The following CPEB1 variants were observed in gnomAD, a reference collection of about 807,000 sequenced individuals.
CPEB1 encodes cytoplasmic polyadenylation element-binding protein 1.
In CPEB1, 7 loss-of-function variants were observed where a neutral mutation model predicts 65.8. The ratio of observed to expected loss-of-function variants is 0.11; its 90% confidence interval spans 0.06 to 0.20. The LOEUF is 0.20. Among genes scored for constraint, CPEB1 ranks in the 10% least tolerant of loss-of-function variants. CPEB1 has a pLI of 1.00. For missense variants in CPEB1, 551 were observed against 712.2 expected (o/e 0.77, Z 2.58); for synonymous variants, 262 against 260.0 (o/e 1.01, Z -0.08).
At chr15:82,565,294 GAAAGCAGC>G (rs760419987) in intron 4 of CPEB1, among the ~76,000 whole-genome samples, 17 of 152,170 alleles carry the variant, frequency 1.1e-4, no homozygotes, top group Non-Finnish European at 1.8e-4. Flanking sequence ...ACAATGGAAA[GAAAGCAGC>G]AAAGCAGCAA....
At chr15:82,632,952 A>G (rs141582866) in intron 1 of CPEB1, among the ~76,000 whole-genome samples, 2,706 of 152,324 alleles carry the variant, frequency 0.018, 29 homozygotes, top group Non-Finnish European at 0.026. Context: ...CTGAACTTTC[A>G]TCAATGTATA....
At chr15:82,612,519 A>C (rs916900096) in intron 3 of CPEB1, among the ~76,000 whole-genome samples, 2 of 151,508 alleles carry the variant, frequency 1.3e-5, no homozygotes, top group South Asian at 2.1e-4. Context: ...CAAAAAAAAA[A>C]ACACAGAAAT....
intron 1 of CPEB1, among the ~76,000 whole-genome samples, chr15:82,632,206 T>A (rs1216069976): frequency 6.6e-6 from 1 of 151,920 alleles, no homozygotes; most frequent in Non-Finnish European, 1.5e-5. Context: ...ATGGTCTTGA[T>A]CTCCTGACCT....
chr15:82,553,797 T>A (rs906841641), intron 7 of CPEB1, 81 bp downstream of exon 7: 1 of 1,021,524 alleles, frequency 9.8e-7, no homozygotes, highest in Non-Finnish European at 1.5e-6. Flanking sequence ...ATTCAGCCCC[T>A]GGCCTCAATT....
intron 3 of CPEB1, among the ~76,000 whole-genome samples, chr15:82,623,246 G>A (rs1190730048): frequency 6.6e-6 from 1 of 152,174 alleles, no homozygotes; most frequent in Admixed American, 6.5e-5. Flanking sequence ...CCCTATCACA[G>A]CACTTTTCCA....
At chr15:82,637,286 T>C (rs1052224944) in intron 1 of CPEB1, among the ~76,000 whole-genome samples, 10 of 152,198 alleles carry the variant, frequency 6.6e-5, no homozygotes, top group African/African-American at 2.4e-4. Context: ...CCTCACCAAT[T>C]TGACACAGCT....
In CPEB1 at chr15:82,543,840, G is replaced by A. The variant is rs1342494372; in HGVS notation, c.*752C>T. The A allele has an allele frequency of 2.6e-5, 4 of 151,878 alleles. No individual in the cohort carries two copies. The highest frequency in any genetic ancestry group is 5.9e-5 in the Non-Finnish European group (4 of 67,978). 9.4% of individuals were successfully genotyped at this position (151,878 alleles called of 1,614,324 possible). A position where few individuals can be genotyped will look rare whatever the true frequency, so the allele number is the denominator to read the frequency against. ...ACAAAAAATTTTTTTTTTCTTGGTT[G>A]CAAATGCCTTGATTTGCAACTGTGA... On this transcript the variant is annotated 3_prime_UTR_variant, in exon 13 of 13. Coordinates refer to ENST00000684509, the MANE Select transcript of CPEB1 (RefSeq NM_001365242.1).
At position 82,567,708 on chromosome 15, in the gene CPEB1, G is replaced by C. The variant is rs796530524; in HGVS notation, c.460+3636C>G. ...CCTCAAGAGACTTCTAAAGGGGAGTGGCAAAAAACAGACATGTCCTCTGGC... is the reference window on the plus strand; with the variant it reads ...CCTCAAGAGACTTCTAAAGGGGAGTCGCAAAAAACAGACATGTCCTCTGGC... On this transcript the variant is annotated intron_variant, in intron 4 of 12. Transcript: ENST00000684509. Among the ~76,000 whole-genome samples, 8 of 152,212 alleles carry C rather than the reference G, an allele frequency of 5.3e-5. 1 individual carries two copies. The highest frequency in any genetic ancestry group is 1.9e-4 in the African/African-American group (8 of 41,522).
rs762394833 is a variant in CPEB1 at position 82,546,432 on chromosome 15, C to T, written c.1656+9G>A. On this transcript the variant is annotated intron_variant, in intron 12 of 12. Coordinates refer to ENST00000684509, the MANE Select transcript of CPEB1 (RefSeq NM_001365242.1). ...TAGAGGGCAGGGACTTCATAGACAT[C>T]GGACCCACCTGATCTCGACAGAAGA... 30 of 1,610,748 alleles carry T rather than the reference C, an allele frequency of 1.9e-5. No individual in the cohort carries two copies. The highest frequency in any genetic ancestry group is 8.9e-5 in the East Asian group (4 of 44,876).
chr15:82,551,980 C>A (rs965228998), intron 9 of CPEB1, among the ~76,000 whole-genome samples: 1 of 152,130 alleles, frequency 6.6e-6, no homozygotes, highest in African/African-American at 2.4e-5. Context: ...GGAAAACCCA[C>A]AAAACTAAAT....
intron 4 of CPEB1, among the ~76,000 whole-genome samples, chr15:82,558,479 G>A (rs1368344019): frequency 1.3e-5 from 2 of 152,216 alleles, no homozygotes; most frequent in African/African-American, 4.8e-5. Context: ...ACCACCTCAT[G>A]TGAGAGGTTC....
At chr15:82,575,740 C>T (rs2040578800) in intron 3 of CPEB1, among the ~76,000 whole-genome samples, 1 of 152,144 alleles carries the variant, frequency 6.6e-6, no homozygotes, top group Non-Finnish European at 1.5e-5. Flanking sequence ...TGAGACACTA[C>T]TGCACACCTA....
chr15:82,590,563 T>C (rs969416149), intron 3 of CPEB1, among the ~76,000 whole-genome samples: 1 of 152,286 alleles, frequency 6.6e-6, no homozygotes, highest in Middle Eastern at 3.4e-3. Flanking sequence ...ATGAGTAAAC[T>C]CGTGAATTTG....
intron 1 of CPEB1, among the ~76,000 whole-genome samples, chr15:82,632,290 T>G (rs2046326446): frequency 6.6e-6 from 1 of 152,100 alleles, no homozygotes; most frequent in South Asian, 2.1e-4. Flanking sequence ...CCAAATTCAT[T>G]TATTTTTTAT....
chr15:82,637,660 A>C (rs190916445), intron 1 of CPEB1, among the ~76,000 whole-genome samples: 3 of 152,264 alleles, frequency 2.0e-5, no homozygotes, highest in Non-Finnish European at 4.4e-5. Context: ...ACTGTGCCTT[A>C]TCAAATCCTA....
In CPEB1 at chr15:82,557,784, T is replaced by C. The variant is rs1309884601; in HGVS notation, c.663A>G (p.Gly221=). 1 of 1,614,056 alleles carries C rather than the reference T, an allele frequency of 6.2e-7. No homozygotes were observed. The highest frequency in any genetic ancestry group is 8.5e-7 in the Non-Finnish European group (1 of 1,179,982). The change falls in exon 5 of 13, where the codon GGA becomes GGG. Residue 221 remains glycine, a synonymous_variant. Transcript: ENST00000684509. The stretch of plus-strand genomic sequence containing the variant: ...CAATCAAATCTGAGAGATGATCTGA[T>C]CCAGAGCTGAAGCCACTGGTGTCTG... The part of the protein sequence containing the change: ...SDSDTSGFSS[G]SDHLSDLISS...
At chr15:82,572,023 G>C (rs921745637) in intron 3 of CPEB1, 1 of 198,202 alleles carries the variant, frequency 5.0e-6, no homozygotes, top group Admixed American at 6.4e-5. Flanking sequence ...CCTCACGCAC[G>C]ACTGAAGTCC....
intron 3 of CPEB1, among the ~76,000 whole-genome samples, chr15:82,575,367 A>C (rs2040537979): frequency 6.6e-6 from 1 of 152,248 alleles, no homozygotes; most frequent in African/African-American, 2.4e-5. Context: ...AGCCTCTCTA[A>C]GAACCTATCT....
Position 82,633,942 on chromosome 15 carries a change from GA to G in CPEB1, c.-97-5387del, listed in dbSNP as rs377654852. ...AGGTCTACCACTTAGGTATCACTCTGAGCCTTGGTTACCTAAAGGTATAAAA... is the reference window on the plus strand; with the variant it reads ...AGGTCTACCACTTAGGTATCACTCTGGCCTTGGTTACCTAAAGGTATAAAA... On this transcript the variant is annotated intron_variant, in intron 1 of 12. Coordinates refer to ENST00000684509, the MANE Select transcript of CPEB1 (RefSeq NM_001365242.1). Among the ~76,000 whole-genome samples, 31 of 150,768 alleles carry G rather than the reference GA, an allele frequency of 2.1e-4. 1 individual carries two copies. In the South Asian group the frequency reaches 6.1e-3, roughly 30 times the overall value.
Sources: allele counts gnomAD v4.1 joint callset (sites outside exome capture counted in the v4.1 genomes callset), GRCh38; gene constraint gnomAD v4.1.1; transcripts MANE v1.5; gene names NCBI Gene and HGNC (gene_info 2026-07-23, HGNC 2026-07-21).